Variants in PCLO observed in about 807,000 individuals in gnomAD.
PCLO encodes piccolo presynaptic cytomatrix protein, also known as protein piccolo.
Under a neutral mutation model 427.5 loss-of-function variants are expected in PCLO, and 82 were observed. The ratio of observed to expected loss-of-function variants is 0.19; its 90% CI spans 0.16 to 0.23. PCLO has a LOEUF of 0.23. Among genes scored for constraint, PCLO ranks in the 10% least tolerant of loss-of-function variants. The pLI is 1.00. For synonymous variants in PCLO, 2,357 were observed against 2,155.4 expected, an observed-to-expected ratio of 1.09 and a Z score of -2.59; for missense variants, 6,239 against 6,115.9, an observed-to-expected ratio of 1.02 and a Z score of -0.67.
At chr7:83,022,862 T>G (rs562967009) in intron 3 of PCLO, among the ~76,000 whole-genome samples, 1 of 152,348 alleles carries the variant, frequency 6.6e-6, no homozygotes. Context: ...GGATAAAGTT[T>G]TAACTTCTTC....
At chr7:83,128,563 G>A (rs1791497246) in intron 3 of PCLO, among the ~76,000 whole-genome samples, 1 of 152,000 alleles carries the variant, frequency 6.6e-6, no homozygotes. Context: ...AAGTTAGAAT[G>A]TGCATAACCT....
rs1302891933 is a variant in PCLO, at chr7:83,134,834, T to C, written c.2716A>G (p.Ser906Gly). Residue 906 changes from serine (S) to glycine (G), a missense_variant, in exon 3 of 25, where the codon AGT (serine) becomes GGT (glycine). Around this residue, in one of 5 missense-constraint regions of PCLO, gnomAD observed 4,677 missense variants for 4,468.4 expected, o/e 1.05. Transcript: ENST00000333891. ...PKPQEQSRRF[S>G]LNLGSITDAP... ...TCAGTAATACTTCCCAGATTCAGAC[T>C]GAAACGCCTTGACTGCTCCTGAGGC... 2 of 1,612,554 alleles carry C rather than the reference T, an allele frequency of 1.2e-6. No individual in the cohort carries two copies. Among genetic ancestry groups the C allele is most frequent in the African/African-American group, 2.7e-5 (2 of 74,856 alleles).
chr7:83,145,174 A>G (rs1791962064), intron 2 of PCLO, among the ~76,000 whole-genome samples: 1 of 152,152 alleles, frequency 6.6e-6, no homozygotes, highest in Admixed American at 6.6e-5. Context: ...CAAAGTTATG[A>G]CCTTCATCAT....
Position 82,758,404 on chromosome 7 carries a change from T to A in PCLO, c.*171A>T. ...GTATGTGAACTTTTTCAGTTGAATA[T>A]CTTTGTGTGATCCACAACAATAAAT... On this transcript the variant is annotated 3_prime_UTR_variant, in exon 25 of 25. Transcript: ENST00000333891. 1 of 516,986 alleles carries A rather than the reference T, an allele frequency of 1.9e-6. No individual in the cohort carries two copies. Among genetic ancestry groups the A allele is most frequent in the Non-Finnish European group, 3.4e-6 (1 of 296,084 alleles). 32.0% of individuals were successfully genotyped at this position (516,986 alleles called of 1,614,324 possible). A position where few individuals can be genotyped will look rare whatever the true frequency, so the allele number is the denominator to read the frequency against.
At position 82,950,645 on chromosome 7, in the gene PCLO, T is replaced by G. The variant is rs748898356; in HGVS notation, c.9943A>C (p.Ile3315Leu). 10 of 1,613,744 alleles carry G rather than the reference T, an allele frequency of 6.2e-6. No individual in the cohort carries two copies. In the South Asian group the frequency reaches 1.1e-4, roughly 18 times the overall value. Residue 3315 changes from isoleucine (I) to leucine (L), a missense_variant, in exon 6 of 25, where the codon ATC (isoleucine) becomes CTC (leucine). Ile to Leu is a conservative substitution (Grantham distance 5). This residue lies in a region of PCLO where 4,677 missense variants were observed against 4,468.4 expected (regional missense o/e 1.05). Coordinates refer to ENST00000333891, the MANE Select transcript of PCLO (RefSeq NM_033026.6). Reference sequence around the variant, plus strand: ...GAAGGGTCATAGTTATACTGGTAGATCTGCCGAATCTTTTGCTCCTCCAGC... The same window carrying G: ...GAAGGGTCATAGTTATACTGGTAGAGCTGCCGAATCTTTTGCTCCTCCAGC... ...QQLEEQKIRQ[I>L]YQYNYDPSGT...
intron 17 of PCLO, among the ~76,000 whole-genome samples, chr7:82,827,212 A>C (rs1272181191): frequency 6.6e-6 from 1 of 152,116 alleles, no homozygotes; most frequent in Non-Finnish European, 1.5e-5. Flanking sequence ...AAATTGGTTT[A>C]TGTGGGAACT....
At chr7:82,784,832 TC>T (rs1790949335) in intron 22 of PCLO, among the ~76,000 whole-genome samples, 1 of 152,202 alleles carries the variant, frequency 6.6e-6, no homozygotes, top group African/African-American at 2.4e-5. Flanking sequence ...ATTTTTGAAA[TC>T]TATTGATTTT....
intron 3 of PCLO, among the ~76,000 whole-genome samples, chr7:83,005,592 G>A (rs1787926563): frequency 6.6e-6 from 1 of 151,600 alleles, no homozygotes; most frequent in African/African-American, 2.4e-5. Context: ...GGACAAAAAA[G>A]TACAAACAAG....
chr7:82,950,628 A>G lies in PCLO; in HGVS notation c.9960T>C (p.Tyr3320=), dbSNP rs747959319. ...GTGGAGAAGCAGTTCCAGAAGGGTC[A>G]TAGTTATACTGGTAGATCTGCCGAA... ...QKIRQIYQYN[Y]DPSGTASPQT... is the part of the protein sequence containing the mutation. The change falls in exon 6 of 25, where the codon TAT becomes TAC. Residue 3320 remains tyrosine, a synonymous_variant. Coordinates refer to ENST00000333891, the MANE Select transcript of PCLO (RefSeq NM_033026.6). 1 of 1,613,888 alleles carries G rather than the reference A, an allele frequency of 6.2e-7. No homozygotes were observed.
At chr7:82,769,339 TTTAGA>T (rs1248980044) in intron 22 of PCLO, among the ~76,000 whole-genome samples, 1 of 152,178 alleles carries the variant, frequency 6.6e-6, no homozygotes, top group African/African-American at 2.4e-5. Flanking sequence ...ATGAAAATTG[TTTAGA>T]TTAAACAATA....
chr7:82,821,375 A>G, intron 20 of PCLO: 1 of 985,814 alleles, frequency 1.0e-6, no homozygotes, highest in Non-Finnish European at 1.2e-6. Flanking sequence ...ATGCAAACAG[A>G]AGTGCTCTTT....
chr7:83,135,705 C>T, intron 2 of PCLO, 49 bp from the exon 3 acceptor site: 2 of 1,257,000 alleles, frequency 1.6e-6, no homozygotes, highest in Non-Finnish European at 1.1e-6. Flanking sequence ...TGTAAAAACA[C>T]AAAAATGTTT....
At position 82,916,003 on chromosome 7, in the gene PCLO, T is replaced by C. The variant is rs748203870; in HGVS notation, c.11983A>G (p.Asn3995Asp). Reference protein sequence around the residue: ...PLMIAPVSTDNTFAVSHLGSK... With the variant: ...PLMIAPVSTDDTFAVSHLGSK... ...CCAAGATGGGAAACAGCAAATGTGT[T>C]ATCCGTAGAAACAGGTGCTATCATA... Residue 3995 changes from asparagine to aspartate, a missense_variant, in exon 7 of 25, where the codon AAC (asparagine) becomes GAC (aspartate). Physicochemically the swap from Asn to Asp is conservative, Grantham distance 23. Transcript: ENST00000333891. The C allele has an allele frequency of 1.2e-6, 2 of 1,612,770 alleles. No individual in the cohort carries two copies. Among genetic ancestry groups the C allele is most frequent in the Non-Finnish European group, 1.7e-6 (2 of 1,179,782 alleles).
chr7:82,974,076 T>C (rs73387615), intron 3 of PCLO, among the ~76,000 whole-genome samples: 11,227 of 152,208 alleles, frequency 0.074, 1,410 homozygotes, highest in African/African-American at 0.26. Context: ...GAAAATCATA[T>C]GCTTAGTTTT....
At chr7:82,978,829 A>C (rs1796080519) in intron 3 of PCLO, among the ~76,000 whole-genome samples, 1 of 138,914 alleles carries the variant, frequency 7.2e-6, no homozygotes. Context: ...AGCTCCAGGA[A>C]CAAGAAACAC....
Position 82,908,887 on chromosome 7 carries a change from T to G in PCLO, c.13427A>C (p.His4476Pro), listed in dbSNP as rs1320515940. 3 of 1,612,080 alleles carry G rather than the reference T, an allele frequency of 1.9e-6. No individual in the cohort carries two copies. Among genetic ancestry groups the G allele is most frequent in the Non-Finnish European group, 2.5e-6 (3 of 1,178,874 alleles). Residue 4476 changes from histidine (H) to proline (P), a missense_variant, in exon 8 of 25, where the codon CAT becomes CCT. His to Pro is a moderately conservative substitution (Grantham distance 77, BLOSUM62 -2). Coordinates refer to ENST00000333891, the MANE Select transcript of PCLO (RefSeq NM_033026.6). ...RLVHSRPLSQHQEQIIQMNGK... is the reference protein window; with the variant it reads ...RLVHSRPLSQPQEQIIQMNGK... ...AAATATAGCACTTACTTGCTCTTGA[T>G]GTTGACTGAGTGGTCTAGAGTGGAC...
intron 22 of PCLO, among the ~76,000 whole-genome samples, chr7:82,777,994 A>C (rs1305248364): frequency 6.6e-6 from 1 of 152,230 alleles, no homozygotes; most frequent in Non-Finnish European, 1.5e-5. Context: ...ATGGGAGAAA[A>C]TTTTTGCAAA....
chr7:82,812,200 T>C (rs947497118), intron 20 of PCLO, among the ~76,000 whole-genome samples: 1 of 151,484 alleles, frequency 6.6e-6, no homozygotes, highest in Non-Finnish European at 1.5e-5. Flanking sequence ...TAATGAACAA[T>C]TTAGTTTGTT....
Position 82,849,047 on chromosome 7 carries a change from A to G in PCLO, c.13655-1800T>C, listed in dbSNP as rs1013518471. 6 of 186,490 alleles carry G rather than the reference A, an allele frequency of 3.2e-5. No homozygotes were observed. The Admixed American group carries it at 3.4e-4, about 10-fold the overall frequency. The allele number at this position is 186,490 out of a possible 1,614,324, so 11.6% of individuals were successfully genotyped here. The stretch of plus-strand genomic sequence containing the variant: ...AAATAAGGAGGAAGAGTACATTAAT[A>G]AACAGATGATTTTGAATTCAATCAA... On this transcript the variant is annotated intron_variant, in intron 10 of 24. Transcript: ENST00000333891.
Sources: allele counts gnomAD v4.1 joint callset (sites outside exome capture counted in the v4.1 genomes callset), GRCh38; gene constraint gnomAD v4.1.1; regional missense constraint gnomAD v4.1.1; transcripts MANE v1.5; gene names NCBI Gene and HGNC (gene_info 2026-07-23, HGNC 2026-07-21).